ELF2: variants seen among roughly 807,000 people sequenced by gnomAD.
The protein encoded by ELF2 is ETS-related transcription factor Elf-2.
A neutral mutation model predicts 54.8 loss-of-function variants in ELF2; 11 were observed. The ratio of observed to expected loss-of-function variants is 0.20; its 90% CI spans 0.13 to 0.33. The LOEUF is 0.33. ELF2 is among the 10% of genes least tolerant of loss of function. The pLI is 1.00. For missense variants in ELF2, 513 were observed against 703.0 expected (o/e 0.73, Z 3.06); for synonymous variants, 203 against 245.1 (o/e 0.83, Z 1.61).
At chr4:139,137,573 A>C in intron 3 of ELF2, 57 bp downstream of exon 3, 1 of 1,525,566 alleles carries the variant, frequency 6.6e-7, no homozygotes, top group Non-Finnish European at 9.1e-7. Flanking sequence ...TTTCAAAATT[A>C]GTTCATGCAC....
At chr4:139,121,015 C>T (rs947363928) in intron 4 of ELF2, among the ~76,000 whole-genome samples, 3 of 151,586 alleles carry the variant, frequency 2.0e-5, no homozygotes, top group African/African-American at 7.3e-5. Context: ...AATTGAACTT[C>T]CCTCTTCAGA....
Position 139,060,320 on chromosome 4 carries a change from T to C in ELF2, c.1157+4A>G, listed in dbSNP as rs759307904. 1 of 1,580,718 alleles carries C rather than the reference T, an allele frequency of 6.3e-7. No individual in the cohort carries two copies. Among genetic ancestry groups the C allele is most frequent in the East Asian group, 2.2e-5 (1 of 44,560 alleles). On this transcript the variant is annotated splice_donor_region_variant and intron_variant, in intron 9 of 9. Coordinates refer to ENST00000686138, the MANE Select transcript of ELF2 (RefSeq NM_001331036.3). Reference sequence around the variant, plus strand: ...CATTGTAACTAATGGTTTGCTTCACTTACCTTGGAGCTGCTGTTGCTGACA... The same window carrying C: ...CATTGTAACTAATGGTTTGCTTCACCTACCTTGGAGCTGCTGTTGCTGACA...
chr4:139,104,508 C>CAAAAA (rs34642901), intron 4 of ELF2, among the ~76,000 whole-genome samples: 54 of 74,650 alleles, frequency 7.2e-4, no homozygotes, highest in Middle Eastern at 6.8e-3. Flanking sequence ...GACTCTGTCT[C>CAAAAA]AAAAAAAAAA....
intron 1 of ELF2, among the ~76,000 whole-genome samples, chr4:139,165,499 CTTAAAAT>C (rs1281010742): frequency 6.6e-6 from 1 of 151,870 alleles, no homozygotes; most frequent in Non-Finnish European, 1.5e-5. Context: ...CCCATCTCTA[CTTAAAAT>C]ACAAAATTAG....
chr4:139,166,439 A>C (rs1741732943), intron 1 of ELF2, among the ~76,000 whole-genome samples: 1 of 152,156 alleles, frequency 6.6e-6, no homozygotes, highest in African/African-American at 2.4e-5. Context: ...ATCTGCAATC[A>C]GGTTCATGGA....
chr4:139,118,345 T>G (rs1368389430), intron 4 of ELF2, among the ~76,000 whole-genome samples: 3 of 152,192 alleles, frequency 2.0e-5, no homozygotes, highest in Admixed American at 2.0e-4. Flanking sequence ...TGTGGAAATC[T>G]TCATGTAGTT....
chr4:139,173,672 C>T (rs1163562504), intron 1 of ELF2, among the ~76,000 whole-genome samples: 1 of 150,374 alleles, frequency 6.7e-6, no homozygotes, highest in African/African-American at 2.5e-5. Context: ...GCAAGAGAAT[C>T]GCTTGAACCC....
chr4:139,166,419 A>T (rs927450200), intron 1 of ELF2, among the ~76,000 whole-genome samples: 2 of 151,992 alleles, frequency 1.3e-5, no homozygotes, highest in African/African-American at 4.8e-5. Context: ...AAATAAATAA[A>T]AATAAAAATA....
intron 4 of ELF2, among the ~76,000 whole-genome samples, chr4:139,083,628 G>A (rs1200941565): frequency 6.6e-6 from 1 of 152,184 alleles, no homozygotes; most frequent in Non-Finnish European, 1.5e-5. Context: ...ATGGAATTGT[G>A]GACGAAGTCT....
chr4:139,115,189 C>A, intron 4 of ELF2: 3 of 1,611,874 alleles, frequency 1.9e-6, no homozygotes, highest in Middle Eastern at 2.1e-4. Context: ...TAGCTCCTTG[C>A]GGTCATACTT....
chr4:139,125,517 G>A (rs1736828233), intron 3 of ELF2, among the ~76,000 whole-genome samples, 188 bp from the exon 4 acceptor site: 1 of 152,096 alleles, frequency 6.6e-6, no homozygotes, highest in Non-Finnish European at 1.5e-5. Context: ...AGTCTCAAGA[G>A]GTAAGACATA....
rs1222785689 is a variant in ELF2, at chr4:139,151,029, AAAAAAAG to A, written c.-251-11539_-251-11533del. Among the ~76,000 whole-genome samples, 111 of 128,008 alleles carry A rather than the reference AAAAAAAG, an allele frequency of 8.7e-4. 1 individual carries two copies. The highest frequency in any genetic ancestry group is 3.5e-3 in the African/African-American group (101 of 29,250). 84.0% of individuals were successfully genotyped at this position (128,008 alleles called of 152,430 possible). A position where few individuals can be genotyped will look rare whatever the true frequency, so the allele number is the denominator to read the frequency against. ...ACGGAACGAGGCTCCATCTCAAAAA[AAAAAAAG>A]AAAGAAAGAAAGAAAGAAAGAAAGA... On this transcript the variant is annotated intron_variant, in intron 1 of 9. Coordinates refer to ENST00000686138, the MANE Select transcript of ELF2 (RefSeq NM_001331036.3).
intron 1 of ELF2, among the ~76,000 whole-genome samples, chr4:139,148,414 G>C (rs1370524662): frequency 2.8e-5 from 4 of 141,938 alleles, no homozygotes; most frequent in Non-Finnish European, 6.0e-5. Flanking sequence ...TGAACACCTG[G>C]GCTCCTCCTG....
At chr4:139,076,730 C>A (rs1730364907) in intron 4 of ELF2, among the ~76,000 whole-genome samples, 1 of 152,026 alleles carries the variant, frequency 6.6e-6, no homozygotes, top group Middle Eastern at 3.4e-3. Flanking sequence ...ATATTACGTG[C>A]CCTGAATTCT....
At chr4:139,107,191 C>A (rs761286212) in intron 4 of ELF2, among the ~76,000 whole-genome samples, 19 of 152,026 alleles carry the variant, frequency 1.2e-4, no homozygotes, top group Non-Finnish European at 1.9e-4. Flanking sequence ...AAAAACCTTA[C>A]AATCTAAGAA....
At chr4:139,070,931 AT>A (rs1487657237) in intron 6 of ELF2, among the ~76,000 whole-genome samples, 2 of 152,160 alleles carry the variant, frequency 1.3e-5, no homozygotes, top group East Asian at 3.8e-4. Context: ...TTATTTTTGC[AT>A]TTTACTCTAA....
At chr4:139,163,839 G>A (rs182750945) in intron 1 of ELF2, among the ~76,000 whole-genome samples, 61 of 151,952 alleles carry the variant, frequency 4.0e-4, no homozygotes, top group Middle Eastern at 3.4e-3. Flanking sequence ...ACTTGAGCCC[G>A]CCAAGTTAAG....
chr4:139,074,341 C>G (rs1032820689), intron 4 of ELF2, among the ~76,000 whole-genome samples: 14 of 152,170 alleles, frequency 9.2e-5, no homozygotes, highest in African/African-American at 3.1e-4. Flanking sequence ...GCCAGGGCAC[C>G]TAACAGAACC....
intron 7 of ELF2, among the ~76,000 whole-genome samples, chr4:139,063,356 T>C (rs1245965379): frequency 2.6e-5 from 4 of 152,212 alleles, no homozygotes; most frequent in Admixed American, 6.5e-5. Flanking sequence ...AGACGGAAGA[T>C]AATGTTTAAA....
Sources: gnomAD v4.1 joint callset for allele counts (sites outside exome capture counted in the v4.1 genomes callset) on GRCh38, gnomAD v4.1.1 for gene constraint, MANE v1.5 for transcripts, NCBI Gene and HGNC (gene_info 2026-07-23, HGNC 2026-07-21) for gene names.